Variants in AR observed in about 807,000 individuals in gnomAD.
AR encodes dihydrotestosterone receptor.
In AR, 8 loss-of-function variants were observed where a neutral mutation model predicts 53.9. The ratio of observed to expected loss-of-function variants is 0.15; its 90% CI spans 0.09 to 0.27. The LOEUF is 0.27. AR is among the 10% of genes least tolerant of loss of function. The pLI, the probability that AR is intolerant of heterozygous loss-of-function variation, is 1.00. For synonymous variants in AR, 359 were observed against 316.4 expected (o/e 1.13, Z -1.43); for missense variants, 639 against 742.5 (o/e 0.86, Z 1.62).
At chrX:67,655,817 A>G (rs1170614202) in intron 2 of AR, among the ~76,000 whole-genome samples, 1 of 112,181 alleles carries the variant, frequency 8.9e-6, no homozygotes, top group Non-Finnish European at 1.9e-5. Context: ...CGAAAATAAA[A>G]TGAATCAAAC....
At chrX:67,588,660 C>T (rs371957151) in intron 1 of AR, among the ~76,000 whole-genome samples, 20 of 112,353 alleles carry the variant, frequency 1.8e-4, no homozygotes, top group East Asian at 5.6e-4. Flanking sequence ...AGCTGATGCC[C>T]GGCTGATGCC....
intron 2 of AR, among the ~76,000 whole-genome samples, chrX:67,656,536 C>G (rs148044914): frequency 2.1e-4 from 23 of 111,457 alleles, no homozygotes; most frequent in Non-Finnish European, 4.0e-4. Flanking sequence ...ATCATAGAGC[C>G]TAATGTTACC....
chrX:67,564,496 T>A (rs1394078929), intron 1 of AR, among the ~76,000 whole-genome samples: 1 of 112,163 alleles, frequency 8.9e-6, no homozygotes, highest in African/African-American at 3.2e-5. Flanking sequence ...TTCTTCCTGA[T>A]TCAGTCTTGG....
rs746929441 is a variant in AR at position 67,546,261 on chromosome X, C to A, written c.1115C>A (p.Ala372Asp). 3.3e-6 allele frequency: 4 copies of A among 1,205,981 alleles called. No individual in the cohort carries two copies. Among genetic ancestry groups the A allele is most frequent in the Non-Finnish European group, 2.2e-6 (2 of 893,394 alleles). ...TACTACAACTTTCCACTGGCTCTGG[C>A]CGGACCGCCGCCCCCTCCGCCGCCT... ...RDYYNFPLAL[A>D]GPPPPPPPPH... The change falls in exon 1 of 8, where the codon GCC becomes GAC. Residue 372 changes from alanine to aspartate, a missense_variant. This residue lies in a region of AR where 423 missense variants were observed against 377.0 expected (regional missense o/e 1.12). Transcript: ENST00000374690.
At chrX:67,641,014 C>A (rs1010904376) in intron 1 of AR, among the ~76,000 whole-genome samples, 1 of 111,500 alleles carries the variant, frequency 9.0e-6, no homozygotes, top group Admixed American at 9.6e-5. Context: ...TCGATCACCA[C>A]TATATCCCCA....
At position 67,546,579 on chromosome X, in the gene AR, T is replaced by C. The variant is rs760558682; in HGVS notation, c.1433T>C (p.Val478Ala). 8 of 1,119,869 alleles carry C rather than the reference T, an allele frequency of 7.1e-6. No individual in the cohort carries two copies. In the Admixed American group the frequency reaches 2.1e-4, roughly 30 times the overall value. The allele number at this position is 1,119,869 out of a possible 1,213,427, so 92.3% of individuals were successfully genotyped here. Residue 478 changes from valine to alanine, a missense_variant, in exon 1 of 8, where the codon GTA becomes GCA. Val to Ala is a moderately conservative substitution (Grantham distance 64, BLOSUM62 0). Coordinates refer to ENST00000374690, the MANE Select transcript of AR (RefSeq NM_000044.6). ...GGGGGGEAGA[V>A]APYGYTRPPQ... ...GGCGGCGGCGGCGAGGCGGGAGCTGTAGCCCCCTACGGCTACACTCGGCCC... is the reference window on the plus strand; with the variant it reads ...GGCGGCGGCGGCGAGGCGGGAGCTGCAGCCCCCTACGGCTACACTCGGCCC...
rs2147320529 is a variant in AR, at chrX:67,546,310, G to A, written c.1164G>A (p.Lys388=). 1 of 1,200,182 alleles carries A rather than the reference G, an allele frequency of 8.3e-7. No individual in the cohort carries two copies. The part of the protein sequence containing the change: ...PPPPHPHARI[K]LENPLDYGSA... ...CTCCCCATCCCCACGCTCGCATCAAGCTGGAGAACCCGCTGGACTACGGCA... is the reference window on the plus strand; with the variant it reads ...CTCCCCATCCCCACGCTCGCATCAAACTGGAGAACCCGCTGGACTACGGCA... Residue 388 remains lysine (K), a synonymous_variant, in exon 1 of 8, where the codon AAG becomes AAA. Transcript: ENST00000374690.
chrX:67,620,280 G>C (rs1255600092), intron 1 of AR, among the ~76,000 whole-genome samples: 1 of 109,285 alleles, frequency 9.2e-6, no homozygotes, highest in Non-Finnish European at 1.9e-5. Context: ...TTTTCCCCAG[G>C]GTTTTTATAC....
chrX:67,549,395 C>T (rs1158528926), intron 1 of AR, among the ~76,000 whole-genome samples: 1 of 111,892 alleles, frequency 8.9e-6, no homozygotes, highest in East Asian at 2.8e-4. Flanking sequence ...TCTGCACTCA[C>T]TCTGTGTTCT....
intron 1 of AR, among the ~76,000 whole-genome samples, chrX:67,579,293 G>A (rs1922185141): frequency 9.0e-6 from 1 of 111,558 alleles, no homozygotes; most frequent in Non-Finnish European, 1.9e-5. Context: ...AATACATTTA[G>A]TGGTCTTGGC....
At chrX:67,547,129 C>T (rs904040427) in intron 1 of AR, among the ~76,000 whole-genome samples, 4 of 111,653 alleles carry the variant, frequency 3.6e-5, no homozygotes, top group Non-Finnish European at 7.5e-5. Flanking sequence ...TCCTCAAAGT[C>T]TGAGAACCTC....
intron 3 of AR, among the ~76,000 whole-genome samples, chrX:67,707,159 T>G (rs1297163182): frequency 8.9e-6 from 1 of 111,915 alleles, no homozygotes; most frequent in Non-Finnish European, 1.9e-5. Context: ...ATAAGTCTAT[T>G]AGGTCCACTT....
At chrX:67,691,464 A>G (rs970709025) in intron 3 of AR, among the ~76,000 whole-genome samples, 1 of 112,173 alleles carries the variant, frequency 8.9e-6, no homozygotes, top group Admixed American at 9.5e-5. Flanking sequence ...CCTTATTAGC[A>G]TATCACAGGT....
intron 2 of AR, among the ~76,000 whole-genome samples, chrX:67,683,455 C>G (rs2075947934): frequency 9.0e-6 from 1 of 111,344 alleles, no homozygotes; most frequent in Non-Finnish European, 1.9e-5. Context: ...CTTCAAGATT[C>G]TTAGAGCTGG....
At chrX:67,658,814 G>C (rs979886886) in intron 2 of AR, among the ~76,000 whole-genome samples, 1 of 112,123 alleles carries the variant, frequency 8.9e-6, no homozygotes, top group Non-Finnish European at 1.9e-5. Flanking sequence ...CAGCATGGGA[G>C]ATTCAGTATA....
rs111596235 is a variant in AR, at chrX:67,577,133, G to GT, written c.1616+30371_1616+30372insT. Among the ~76,000 whole-genome samples the GT allele has an allele frequency of 4.3e-3, 460 of 106,328 alleles. 4 individuals are homozygous for GT. The highest frequency in any genetic ancestry group is 0.015 in the African/African-American group (441 of 29,046). 92.3% of individuals were successfully genotyped at this position (106,328 alleles called of 115,157 possible). A position where few individuals can be genotyped will look rare whatever the true frequency, so the allele number is the denominator to read the frequency against. Reference sequence around the variant, plus strand: ...TTACTCCCCATTTCCCCCACCCCCTGACCCTTCAACCCTAGGCAAGCACAA... The same window carrying GT: ...TTACTCCCCATTTCCCCCACCCCCTGTACCCTTCAACCCTAGGCAAGCACAA... On this transcript the variant is annotated intron_variant, in intron 1 of 7. Coordinates refer to ENST00000374690, the MANE Select transcript of AR (RefSeq NM_000044.6).
At chrX:67,663,279 T>C (rs1429403432) in intron 2 of AR, among the ~76,000 whole-genome samples, 1 of 112,193 alleles carries the variant, frequency 8.9e-6, no homozygotes, top group African/African-American at 3.2e-5. Flanking sequence ...TTCCTTTCCA[T>C]GTTTAGTGCT....
intron 1 of AR, chrX:67,569,107 G>T: frequency 9.8e-7 from 1 of 1,023,148 alleles, no homozygotes; most frequent in Non-Finnish European, 1.4e-6. Flanking sequence ...CTAATATTAC[G>T]CAGCCATGAC....
At chrX:67,557,224 G>A (rs12396249) in intron 1 of AR, among the ~76,000 whole-genome samples, 20,994 of 110,501 alleles carry the variant, frequency 0.19, 1,844 homozygotes, top group African/African-American at 0.33. Context: ...TGGTATTGGT[G>A]GAGAAGGTAG....
Sources: allele counts gnomAD v4.1 joint callset (sites outside exome capture counted in the v4.1 genomes callset), GRCh38; gene constraint gnomAD v4.1.1; regional missense constraint gnomAD v4.1.1; transcripts MANE v1.5; gene names NCBI Gene and HGNC (gene_info 2026-07-23, HGNC 2026-07-21).